The following PDIA5 variants were observed in gnomAD, a reference collection of about 807,000 sequenced individuals.
PDIA5 encodes the protein protein disulfide isomerase family A member 5.
Under a neutral mutation model 77.6 loss-of-function variants are expected in PDIA5, and 58 were observed. That is an observed-to-expected ratio of 0.75 (90% CI 0.61 to 0.93). The LOEUF (loss-of-function observed/expected upper bound fraction) is 0.93, where lower values mean the gene tolerates loss of function less well. Ranked by LOEUF, PDIA5 falls within the 40% of genes least tolerant of loss-of-function variation. PDIA5 has a pLI of 0.00. For synonymous variants in PDIA5, 250 were observed against 252.1 expected, an observed-to-expected ratio of 0.99 and a Z score of 0.08; for missense variants, 630 against 647.7, an observed-to-expected ratio of 0.97 and a Z score of 0.30.
At chr3:123,077,136 C>A (rs1191879592) in intron 1 of PDIA5, among the ~76,000 whole-genome samples, 1 of 152,168 alleles carries the variant, frequency 6.6e-6, no homozygotes, top group African/African-American at 2.4e-5. Context: ...TCCTTATGCC[C>A]CAACTCTGGT....
Position 123,150,354 on chromosome 3 carries a change from C to T in PDIA5, c.1263C>T (p.Phe421=), listed in dbSNP as rs1234819282. 1 of 1,613,672 alleles carries T rather than the reference C, an allele frequency of 6.2e-7. No individual in the cohort carries two copies. Among genetic ancestry groups the T allele is most frequent in the Admixed American group, 1.7e-5 (1 of 59,964 alleles). ...AGAAGAAACACACCTTGGTCATGTT[C>T]TACGCCCCTTGTAAGTAGCTTGGGT... The part of the protein sequence containing the change: ...LKKKKHTLVM[F]YAPWCPHCKK... The change falls in exon 14 of 17, where the codon TTC becomes TTT. Residue 421 remains phenylalanine, a synonymous_variant. Coordinates refer to ENST00000316218, the MANE Select transcript of PDIA5 (RefSeq NM_006810.4).
At chr3:123,083,031 C>T (rs1393067770) in intron 1 of PDIA5, among the ~76,000 whole-genome samples, 9 of 152,136 alleles carry the variant, frequency 5.9e-5, no homozygotes, top group Non-Finnish European at 1.2e-4. Context: ...ACACCTGTTA[C>T]AAGAGCACGG....
intron 13 of PDIA5, 42 bp downstream of exon 13, chr3:123,146,301 G>C (rs779042718): frequency 6.4e-7 from 1 of 1,568,548 alleles, no homozygotes; most frequent in Non-Finnish European, 8.7e-7. Flanking sequence ...ACTGCCAGCT[G>C]GCGGCCCCTG....
intron 11 of PDIA5, among the ~76,000 whole-genome samples, chr3:123,139,473 G>C (rs936389953): frequency 6.6e-5 from 10 of 152,228 alleles, no homozygotes; most frequent in South Asian, 4.1e-4. Flanking sequence ...TTCAGGGTCA[G>C]AGGGAATTGA....
At chr3:123,090,566 C>A (rs1934258155) in intron 2 of PDIA5, among the ~76,000 whole-genome samples, 1 of 152,200 alleles carries the variant, frequency 6.6e-6, no homozygotes, top group Non-Finnish European at 1.5e-5. Flanking sequence ...TTGAGATCTT[C>A]CAGCAGCAGG....
rs539320855 is a variant in PDIA5, at chr3:123,154,920, C to T, written c.1274-51C>T. On this transcript the variant is annotated intron_variant, in intron 14 of 16. Coordinates refer to ENST00000316218, the MANE Select transcript of PDIA5 (RefSeq NM_006810.4). ...CAGGAAGGGTCCCTGGCCCTGCAGC[C>T]TCCCTGCACATGCATCACAGTCCTG... 8.5e-5 allele frequency: 106 copies of T among 1,242,120 alleles called. 2 individuals carry two copies. The South Asian group carries it at 8.8e-4, about 10-fold the overall frequency. 76.9% of individuals were successfully genotyped at this position (1,242,120 alleles called of 1,614,324 possible). A position where few individuals can be genotyped will look rare whatever the true frequency, so the allele number is the denominator to read the frequency against.
chr3:123,116,559 A>T (rs931943343), intron 8 of PDIA5, among the ~76,000 whole-genome samples: 1 of 152,222 alleles, frequency 6.6e-6, no homozygotes, highest in Non-Finnish European at 1.5e-5. Context: ...AGCAAGATGC[A>T]CATGTGGCAT....
chr3:123,107,027 C>T (rs968765575), intron 6 of PDIA5, among the ~76,000 whole-genome samples, 186 bp downstream of exon 6: 4 of 152,162 alleles, frequency 2.6e-5, no homozygotes, highest in Admixed American at 2.0e-4. Flanking sequence ...TTGTAACCAG[C>T]GGTGATCACA....
At chr3:123,161,810 G>A (rs1001088542) in intron 16 of PDIA5, 70 bp from the exon 17 acceptor site, 4 of 1,008,366 alleles carry the variant, frequency 4.0e-6, no homozygotes, top group East Asian at 4.8e-5. Context: ...GGGGGTGTGG[G>A]GAGAGAGAGT....
rs1276678743 is a variant in PDIA5 at position 123,130,590 on chromosome 3, C to A, written c.884C>A (p.Ser295Tyr). 2 of 1,614,058 alleles carry A rather than the reference C, an allele frequency of 1.2e-6. No homozygotes were observed. Among genetic ancestry groups the A allele is most frequent in the East Asian group, 2.2e-5 (1 of 44,896 alleles). The change falls in exon 11 of 17, where the codon TCT (serine) becomes TAT (tyrosine). Residue 295 changes from serine (S) to tyrosine (Y), a missense_variant. Ser to Tyr is a moderately radical substitution (Grantham distance 144). Transcript: ENST00000316218. ...DFDQFVKEHSSVLVMFHAPWC... is the reference protein window; with the variant it reads ...DFDQFVKEHSYVLVMFHAPWC... ...GACCAGTTTGTGAAGGAACACTCCT[C>A]TGTCCTCGTCATGTTCCACGCCCCA...
chr3:123,129,402 C>T (rs146087809), intron 10 of PDIA5, among the ~76,000 whole-genome samples: 17 of 152,310 alleles, frequency 1.1e-4, no homozygotes, highest in African/African-American at 3.4e-4. Flanking sequence ...CTTCTGAAGG[C>T]GACATCATAC....
chr3:123,117,662 T>G (rs926719208), intron 8 of PDIA5, among the ~76,000 whole-genome samples: 1 of 152,028 alleles, frequency 6.6e-6, no homozygotes, highest in Non-Finnish European at 1.5e-5. Flanking sequence ...ATTTCCTTCT[T>G]TTTTTAGGGC....
At chr3:123,100,434 T>G (rs1934557363) in intron 3 of PDIA5, among the ~76,000 whole-genome samples, 1 of 152,230 alleles carries the variant, frequency 6.6e-6, no homozygotes, top group Non-Finnish European at 1.5e-5. Context: ...GCTTGCCCCT[T>G]CTCTCTGGAC....
At chr3:123,088,096 C>G (rs1305810218) in intron 1 of PDIA5, among the ~76,000 whole-genome samples, 1 of 152,278 alleles carries the variant, frequency 6.6e-6, no homozygotes, top group African/African-American at 2.4e-5. Flanking sequence ...CACCCTCTGC[C>G]GGGTTATCTC....
At chr3:123,138,346 T>A (rs966561632) in intron 11 of PDIA5, among the ~76,000 whole-genome samples, 4 of 152,260 alleles carry the variant, frequency 2.6e-5, no homozygotes, top group African/African-American at 9.6e-5. Flanking sequence ...AAAAATGCTT[T>A]TTTTTGTACG....
chr3:123,147,758 T>G (rs1293679002), intron 13 of PDIA5, among the ~76,000 whole-genome samples: 1 of 152,214 alleles, frequency 6.6e-6, no homozygotes, highest in Non-Finnish European at 1.5e-5. Flanking sequence ...TGCTTACCCC[T>G]CAAGGCCTTC....
chr3:123,077,583 C>A (rs1325157619), intron 1 of PDIA5, among the ~76,000 whole-genome samples: 10 of 146,662 alleles, frequency 6.8e-5, no homozygotes, highest in Non-Finnish European at 1.2e-4. Flanking sequence ...CACACACACA[C>A]AACAATATCA....
chr3:123,098,594 G>A (rs1260013762), intron 3 of PDIA5, among the ~76,000 whole-genome samples: 1 of 152,106 alleles, frequency 6.6e-6, no homozygotes, highest in African/African-American at 2.4e-5. Flanking sequence ...AGGGAAGTGT[G>A]TACAGGCATC....
At chr3:123,079,747 ACCTTT>A (rs949845478) in intron 1 of PDIA5, among the ~76,000 whole-genome samples, 47 of 152,182 alleles carry the variant, frequency 3.1e-4, no homozygotes, top group African/African-American at 8.7e-4. Flanking sequence ...TGTGCCAGCT[ACCTTT>A]CCAAAAGAGT....
Sources: allele counts gnomAD v4.1 joint callset (sites outside exome capture counted in the v4.1 genomes callset), GRCh38; gene constraint gnomAD v4.1.1; transcripts MANE v1.5; gene names NCBI Gene and HGNC (gene_info 2026-07-23, HGNC 2026-07-21).